The following RPP30 variants were observed in gnomAD, a reference collection of about 807,000 sequenced individuals.
The protein encoded by RPP30 is ribonuclease P protein subunit p30.
Under a neutral mutation model 38.6 loss-of-function variants are expected in RPP30, and 36 were observed. The observed-to-expected ratio is 0.93, with a 90% CI of 0.71 to 1.23. The LOEUF is 1.23. Among genes scored for constraint, RPP30 ranks in the 50% most tolerant of loss-of-function variants. RPP30 has a pLI of 0.00. For missense variants in RPP30, 321 were observed against 321.7 expected (o/e 1.00, Z 0.02); for synonymous variants, 126 against 112.7 (o/e 1.12, Z -0.75).
chr10:90,880,083 G>C (rs2120191773), intron 5 of RPP30: 1 of 139,518 alleles, frequency 7.2e-6, no homozygotes, highest in East Asian at 2.3e-4. Flanking sequence ...GGAAAGAGTA[G>C]AACAAGGAAT....
At chr10:90,902,724 T>C (rs537047847), downstream of RPP30, among the ~76,000 whole-genome samples, 5 of 152,304 alleles carry the variant, frequency 3.3e-5, no homozygotes, top group African/African-American at 1.2e-4. Flanking sequence ...TTCATATGTG[T>C]CTGTTTTTTG....
intron 10 of RPP30, among the ~76,000 whole-genome samples, chr10:90,898,693 G>C (rs1355426676): frequency 6.6e-6 from 1 of 152,198 alleles, no homozygotes; most frequent in Non-Finnish European, 1.5e-5. Flanking sequence ...GAAGAGTTGG[G>C]ACACATGGTA....
chr10:90,888,417 A>G (rs1847030154), intron 6 of RPP30, among the ~76,000 whole-genome samples: 1 of 152,178 alleles, frequency 6.6e-6, no homozygotes, highest in African/African-American at 2.4e-5. Flanking sequence ...AGGAACTTGT[A>G]TTATTATTTA....
chr10:90,895,061 C>A, intron 7 of RPP30, 170 bp downstream of exon 7: 1 of 694,792 alleles, frequency 1.4e-6, no homozygotes, highest in Non-Finnish European at 2.6e-6. Flanking sequence ...AGAAAAATAC[C>A]AAGGGAAGAA....
chr10:90,886,472 CAT>C (rs1413692536), intron 6 of RPP30, among the ~76,000 whole-genome samples: 1 of 152,178 alleles, frequency 6.6e-6, no homozygotes, highest in Non-Finnish European at 1.5e-5. Context: ...TCCCCTTCTA[CAT>C]AGTTTTCTCT....
At chr10:90,883,289 CAAA>C (rs35852982) in intron 5 of RPP30, among the ~76,000 whole-genome samples, 6 of 119,348 alleles carry the variant, frequency 5.0e-5, no homozygotes, top group Non-Finnish European at 6.9e-5. Context: ...AGTCTCTGGC[CAAA>C]AAAAAAAAAA....
chr10:90,891,541 A>T (rs1021392270), intron 6 of RPP30, among the ~76,000 whole-genome samples: 6 of 152,188 alleles, frequency 3.9e-5, no homozygotes, highest in Admixed American at 3.9e-4. Context: ...TAGCAATCCC[A>T]CTTTAGTGTT....
intron 1 of RPP30, among the ~76,000 whole-genome samples, chr10:90,874,464 A>T (rs951885126): frequency 6.6e-6 from 1 of 152,258 alleles, no homozygotes; most frequent in Non-Finnish European, 1.5e-5. Flanking sequence ...ATAAAAATGA[A>T]TATAGGGTCA....
In RPP30 at chr10:90,900,578, A is replaced by G; in HGVS notation, c.706A>G (p.Lys236Glu). The part of the protein sequence containing the change: ...RAALLHGETR[K>E]TAFGIISTVK... Reference sequence around the variant, plus strand: ...CCCTGTTTGTTTTACAGAAACTAGAAAAACTGCTTTTGGAATTATCTCTAC... The same window carrying G: ...CCCTGTTTGTTTTACAGAAACTAGAGAAACTGCTTTTGGAATTATCTCTAC... Residue 236 changes from lysine to glutamate, a missense_variant, in exon 11 of 11, where the codon AAA becomes GAA. Physicochemically the swap from Lys to Glu is moderately conservative, Grantham distance 56 (BLOSUM62 1). Transcript: ENST00000371703. 6.2e-7 allele frequency: 1 copy of G among 1,610,838 alleles called. No individual in the cohort carries two copies. Among genetic ancestry groups the G allele is most frequent in the East Asian group, 2.2e-5 (1 of 44,850 alleles).
chr10:90,888,872 A>G (rs529516207), intron 6 of RPP30, among the ~76,000 whole-genome samples: 69 of 152,338 alleles, frequency 4.5e-4, no homozygotes, highest in African/African-American at 1.2e-3. Context: ...TTTAAAAAAA[A>G]TCTGGTGTGA....
rs892195783 is a variant in RPP30 at position 90,901,367 on chromosome 10, T to C, written c.*688T>C. The C allele has an allele frequency of 9.2e-6, 9 of 982,002 alleles. No homozygotes were observed. The African/African-American group carries it at 1.4e-4, about 15-fold the overall frequency. 60.8% of individuals were successfully genotyped at this position (982,002 alleles called of 1,614,324 possible). On this transcript the variant is annotated 3_prime_UTR_variant, in exon 11 of 11. Transcript: ENST00000371703. ...GTTATTTTGAAGATATTCAAACTTA[T>C]ATTGAAGAAGTGACTTTAGTTCCTC...
Position 90,901,074 on chromosome 10 carries a change from A to C in RPP30, c.*395A>C. On this transcript the variant is annotated 3_prime_UTR_variant, in exon 11 of 11. Transcript: ENST00000371703. The stretch of plus-strand genomic sequence containing the variant: ...TCACTGCAACCTCAATCCTGGGCTC[A>C]AGTGATCCTCCCGCTTCAGCCTCTC... The C allele has an allele frequency of 7.1e-6, 3 of 421,156 alleles. No individual in the cohort carries two copies. The highest frequency in any genetic ancestry group is 9.5e-6 in the Non-Finnish European group (3 of 314,766). 26.1% of individuals were successfully genotyped at this position (421,156 alleles called of 1,614,324 possible). A position where few individuals can be genotyped will look rare whatever the true frequency, so the allele number is the denominator to read the frequency against.
At chr10:90,879,007 A>C in intron 4 of RPP30, 56 bp from the exon 5 acceptor site, 1 of 1,422,204 alleles carries the variant, frequency 7.0e-7, no homozygotes. Context: ...CACTAGACAG[A>C]ATTTCATGTG....
At chr10:90,885,515 C>T (rs543619527) in intron 5 of RPP30, among the ~76,000 whole-genome samples, 80 of 152,348 alleles carry the variant, frequency 5.3e-4, no homozygotes, top group African/African-American at 1.7e-3. Flanking sequence ...AACTGAGCCT[C>T]GCTCTGCAAC....
intron 6 of RPP30, among the ~76,000 whole-genome samples, chr10:90,888,456 C>G (rs904017491): frequency 6.6e-6 from 1 of 152,072 alleles, no homozygotes; most frequent in South Asian, 2.1e-4. Context: ...TAGAGAACAC[C>G]GGCTGTCATG....
Position 90,900,956 on chromosome 10 carries a change from C to G in RPP30, c.*277C>G, listed in dbSNP as rs1847192948. 1 of 1,103,552 alleles carries G rather than the reference C, an allele frequency of 9.1e-7. No individual in the cohort carries two copies. Among genetic ancestry groups the G allele is most frequent in the Non-Finnish European group, 1.1e-6 (1 of 905,466 alleles). 68.4% of individuals were successfully genotyped at this position (1,103,552 alleles called of 1,614,324 possible). ...TAAGTGATAAACAACAGCAAATATA[C>G]TTGAATAAAATGTTTCAGGTATTTT... On this transcript the variant is annotated 3_prime_UTR_variant, in exon 11 of 11. Coordinates refer to ENST00000371703, the MANE Select transcript of RPP30 (RefSeq NM_006413.5).
chr10:90,875,405 T>C (rs1846837763), intron 2 of RPP30, among the ~76,000 whole-genome samples, 153 bp from the exon 3 acceptor site: 1 of 152,142 alleles, frequency 6.6e-6, no homozygotes, highest in East Asian at 1.9e-4. Flanking sequence ...TTTTTAAAAA[T>C]AATTTTTAAA....
chr10:90,889,032 A>AT (rs2120211123), intron 6 of RPP30, among the ~76,000 whole-genome samples: 1 of 152,258 alleles, frequency 6.6e-6, no homozygotes, highest in Admixed American at 6.5e-5. Flanking sequence ...TTATTCACCT[A>AT]TTTTTTATTA....
intron 6 of RPP30, among the ~76,000 whole-genome samples, chr10:90,890,077 G>C (rs1459934405): frequency 6.6e-6 from 1 of 152,202 alleles, no homozygotes; most frequent in Non-Finnish European, 1.5e-5. Context: ...TAATACAGTA[G>C]AATCTTAGGT....
Sources: gnomAD v4.1 joint callset for allele counts (sites outside exome capture counted in the v4.1 genomes callset) on GRCh38, gnomAD v4.1.1 for gene constraint, MANE v1.5 for transcripts, NCBI Gene and HGNC (gene_info 2026-07-23, HGNC 2026-07-21) for gene names.